Variants in QKI observed in about 807,000 individuals in gnomAD.
QKI encodes the protein QKI, KH domain containing RNA binding.
In QKI, 10 loss-of-function variants were observed where a neutral mutation model predicts 39.0. That is an observed-to-expected ratio of 0.26 (90% confidence interval 0.16 to 0.43). The LOEUF is 0.43. QKI is among the 20% of genes least tolerant of loss of function. QKI has a pLI of 1.00. For missense variants in QKI, 218 were observed against 428.0 expected, an observed-to-expected ratio of 0.51 and a Z score of 4.33; for synonymous variants, 204 against 155.4, an observed-to-expected ratio of 1.31 and a Z score of -2.33.
At chr6:163,546,417 G>A (rs1170593603) in intron 4 of QKI, among the ~76,000 whole-genome samples, 3 of 151,702 alleles carry the variant, frequency 2.0e-5, no homozygotes, top group Non-Finnish European at 4.4e-5. Flanking sequence ...TATATTTAAT[G>A]TGCCTGTGTT....
rs569437611 is a variant in QKI, at chr6:163,562,994, A to G, written c.635-426A>G. On this transcript the variant is annotated intron_variant, in intron 5 of 7. Transcript: ENST00000361752. ...ATGCAATAAAAATTATTCTTTCTTT[A>G]CTTTGAAACTAAAGCTGTACTTTAG... Among the ~76,000 whole-genome samples, 4 of 152,286 alleles carry G rather than the reference A, an allele frequency of 2.6e-5. No homozygotes were observed. In the East Asian group the frequency reaches 7.7e-4, roughly 29 times the overall value.
At chr6:163,480,280 T>TCTTCCTTC (rs765230677) in intron 3 of QKI, among the ~76,000 whole-genome samples, 11 of 152,094 alleles carry the variant, frequency 7.2e-5, no homozygotes, top group African/African-American at 1.9e-4. Flanking sequence ...TCTCTCTCTT[T>TCTTCCTTC]CTTCCTTCCT....
intron 2 of QKI, chr6:163,457,576 C>T (rs1791013685): frequency 2.5e-6 from 1 of 393,036 alleles, no homozygotes; most frequent in African/African-American, 2.1e-5. Flanking sequence ...TAGCAATTTG[C>T]CTGTTAAGCC....
At chr6:163,503,985 T>G (rs1433951692) in intron 3 of QKI, among the ~76,000 whole-genome samples, 1 of 151,946 alleles carries the variant, frequency 6.6e-6, no homozygotes, top group Non-Finnish European at 1.5e-5. Context: ...TCAGGCAGTC[T>G]GCCTGCCTCT....
chr6:163,544,679 G>A (rs980886585), intron 4 of QKI, among the ~76,000 whole-genome samples: 4 of 151,930 alleles, frequency 2.6e-5, no homozygotes, highest in African/African-American at 9.7e-5. Flanking sequence ...AATAAACATG[G>A]TCTTTTTGGA....
chr6:163,471,699 C>T lies in QKI; in HGVS notation c.286-7081C>T, dbSNP rs149879075. Among the ~76,000 whole-genome samples, 320 of 151,876 alleles carry T rather than the reference C, an allele frequency of 2.1e-3. 2 individuals are homozygous for T. Among genetic ancestry groups the T allele is most frequent in the South Asian group, 6.7e-3 (32 of 4,788 alleles). On this transcript the variant is annotated intron_variant, in intron 2 of 7. Coordinates refer to ENST00000361752, the MANE Select transcript of QKI (RefSeq NM_006775.3). The stretch of plus-strand genomic sequence containing the variant: ...AAAATACGTTCATATTTTCTTCGTC[C>T]GCCCACATCCAGGAAAAAGAGGCAA...
At chr6:163,510,541 A>G (rs1779384778) in intron 3 of QKI, among the ~76,000 whole-genome samples, 1 of 152,190 alleles carries the variant, frequency 6.6e-6, no homozygotes. Context: ...AGCCTGGGTG[A>G]CAGAGCCAGA....
chr6:163,475,344 C>G (rs2128224364), intron 2 of QKI, among the ~76,000 whole-genome samples: 2 of 152,136 alleles, frequency 1.3e-5, no homozygotes, highest in East Asian at 3.9e-4. Context: ...CAAATTTTTT[C>G]TTGTCATTAT....
At chr6:163,510,770 G>C (rs1004960417) in intron 3 of QKI, among the ~76,000 whole-genome samples, 4 of 152,046 alleles carry the variant, frequency 2.6e-5, no homozygotes, top group African/African-American at 9.7e-5. Context: ...TCAATCATAA[G>C]TGTATATTTA....
chr6:163,569,455 C>T (rs989663340), intron 7 of QKI: 9 of 1,279,366 alleles, frequency 7.0e-6, no homozygotes, highest in Non-Finnish European at 9.1e-6. Context: ...GGCAACAGTA[C>T]AGAAAATTCT....
chr6:163,507,209 A>G (rs1686331856), intron 3 of QKI, among the ~76,000 whole-genome samples: 1 of 152,204 alleles, frequency 6.6e-6, no homozygotes, highest in Non-Finnish European at 1.5e-5. Flanking sequence ...AACTAGGGCC[A>G]AGCTGCCAAA....
At chr6:163,433,548 C>T (rs10080505) in intron 1 of QKI, among the ~76,000 whole-genome samples, 11,995 of 152,172 alleles carry the variant, frequency 0.079, 536 homozygotes, top group Middle Eastern at 0.12. Flanking sequence ...GGGCAGATCA[C>T]GAGGTCAGGA....
intron 3 of QKI, among the ~76,000 whole-genome samples, chr6:163,533,063 T>C (rs920063963): frequency 6.6e-6 from 1 of 151,960 alleles, no homozygotes; most frequent in Non-Finnish European, 1.5e-5. Context: ...CTCATATATA[T>C]GCGTTTAGTC....
At chr6:163,504,142 T>C (rs894186179) in intron 3 of QKI, among the ~76,000 whole-genome samples, 5 of 152,146 alleles carry the variant, frequency 3.3e-5, no homozygotes, top group Non-Finnish European at 5.9e-5. Flanking sequence ...GGGGATCTGT[T>C]CCCCATTGCT....
chr6:163,455,713 C>G (rs1790864511), intron 2 of QKI, among the ~76,000 whole-genome samples: 1 of 152,186 alleles, frequency 6.6e-6, no homozygotes, highest in African/African-American at 2.4e-5. Flanking sequence ...GCACCAAGCA[C>G]AACATTGCTC....
chr6:163,530,855 G>C (rs1373210639), intron 3 of QKI, among the ~76,000 whole-genome samples: 1 of 152,088 alleles, frequency 6.6e-6, no homozygotes, highest in Non-Finnish European at 1.5e-5. Context: ...AAAACTCAGT[G>C]GGTCCTTTTC....
intron 1 of QKI, among the ~76,000 whole-genome samples, chr6:163,439,857 C>G (rs2128214385): frequency 6.6e-6 from 1 of 152,076 alleles, no homozygotes; most frequent in Non-Finnish European, 1.5e-5. Flanking sequence ...GCCATGTTGA[C>G]CAGGCTGATC....
At chr6:163,448,545 T>C (rs958702663) in intron 1 of QKI, among the ~76,000 whole-genome samples, 2 of 151,840 alleles carry the variant, frequency 1.3e-5, no homozygotes, top group African/African-American at 4.8e-5. Flanking sequence ...CTGGCCGACA[T>C]GGTGAAACCC....
intron 4 of QKI, among the ~76,000 whole-genome samples, chr6:163,545,044 G>A (rs1023646633): frequency 5.3e-5 from 8 of 152,056 alleles, no homozygotes; most frequent in Non-Finnish European, 4.4e-5. Flanking sequence ...AGAATACAAA[G>A]ACCCATGTAG....
Sources: gnomAD v4.1 joint callset for allele counts (sites outside exome capture counted in the v4.1 genomes callset) on GRCh38, gnomAD v4.1.1 for gene constraint, MANE v1.5 for transcripts, NCBI Gene and HGNC (gene_info 2026-07-23, HGNC 2026-07-21) for gene names.